Variants in KLHL13 observed in about 807,000 individuals in gnomAD.
The protein encoded by KLHL13 is kelch-like protein 13.
In KLHL13, 10 loss-of-function variants were observed where a neutral mutation model predicts 37.1. The observed-to-expected ratio is 0.27, with a 90% confidence interval of 0.17 to 0.46. KLHL13 has a LOEUF of 0.46. Ranked by LOEUF, KLHL13 falls within the 20% of genes least tolerant of loss-of-function variation. The pLI is 1.00. For missense variants in KLHL13, 360 were observed against 509.3 expected (o/e 0.71, Z 2.82); for synonymous variants, 163 against 181.2 (o/e 0.90, Z 0.81).
intron 1 of KLHL13, among the ~76,000 whole-genome samples, chrX:118,015,307 T>C (rs912385054): frequency 2.7e-5 from 3 of 111,897 alleles, no homozygotes; most frequent in African/African-American, 9.7e-5. Flanking sequence ...GGCTATCTTA[T>C]GTGATTATTT....
intron 1 of KLHL13, among the ~76,000 whole-genome samples, chrX:118,060,652 T>C (rs2054731559): frequency 9.0e-6 from 1 of 111,249 alleles, no homozygotes; most frequent in Admixed American, 9.6e-5. Context: ...TTTATTAATA[T>C]GCTCAAGGTC....
At chrX:118,043,699 A>G (rs1235062556) in intron 1 of KLHL13, among the ~76,000 whole-genome samples, 3 of 112,036 alleles carry the variant, frequency 2.7e-5, no homozygotes, top group Non-Finnish European at 5.6e-5. Flanking sequence ...GCTTCATGAT[A>G]AAAAGAAAAC....
chrX:118,008,678 C>T (rs1414249034), intron 1 of KLHL13, among the ~76,000 whole-genome samples: 1 of 111,361 alleles, frequency 9.0e-6, no homozygotes, highest in Non-Finnish European at 1.9e-5. Flanking sequence ...AGGCAAAACC[C>T]TTGTCCTCAG....
chrX:118,026,020 T>C (rs1468035466), intron 1 of KLHL13, among the ~76,000 whole-genome samples: 2 of 111,848 alleles, frequency 1.8e-5, no homozygotes, highest in African/African-American at 6.5e-5. Flanking sequence ...TTGAAATGTA[T>C]CCTGCATGGA....
Position 118,093,359 on chromosome X carries a change from C to T in KLHL13, c.-56+23149G>A, listed in dbSNP as rs190084272. Among the ~76,000 whole-genome samples the T allele has an allele frequency of 7.4e-4, 83 of 111,713 alleles. 1 individual carries two copies. The highest frequency in any genetic ancestry group is 4.9e-4 in the Non-Finnish European group (26 of 53,103). The stretch of plus-strand genomic sequence containing the variant: ...TCACATACACTACTTTATCTAATTT[C>T]TATAAAATCTCTTGTTCCTCCATTA... On this transcript the variant is annotated intron_variant, in intron 1 of 6. Coordinates refer to the KLHL13 transcript ENST00000371882.
chrX:118,020,713 C>T (rs1239514262), intron 1 of KLHL13, among the ~76,000 whole-genome samples: 3 of 110,038 alleles, frequency 2.7e-5, no homozygotes, highest in African/African-American at 6.6e-5. Flanking sequence ...TGCGGCACTA[C>T]TCACAATAGC....
chrX:118,088,533 A>G, intron 1 of KLHL13, among the ~76,000 whole-genome samples: 1 of 111,896 alleles, frequency 8.9e-6, no homozygotes, highest in East Asian at 2.8e-4. Flanking sequence ...CATGTTTCTT[A>G]GATTCAGCAT....
At chrX:117,974,079 C>T (rs1003225082), upstream of KLHL13, among the ~76,000 whole-genome samples, 1 of 111,243 alleles carries the variant, frequency 9.0e-6, no homozygotes, top group African/African-American at 3.3e-5. Context: ...CAGAAAATAG[C>T]GTTGTAAATG....
At chrX:118,002,896 T>C (rs759217133) in intron 1 of KLHL13, among the ~76,000 whole-genome samples, 2 of 112,611 alleles carry the variant, frequency 1.8e-5, no homozygotes, top group South Asian at 7.2e-4. Flanking sequence ...ACTCTTTTTC[T>C]TCCTCATTGT....
At chrX:117,938,594 A>T (rs760216862) in intron 2 of KLHL13, among the ~76,000 whole-genome samples, 4 of 111,693 alleles carry the variant, frequency 3.6e-5, no homozygotes, top group East Asian at 5.6e-4. Context: ...CTCTCACTGC[A>T]CTACAGTGGC....
chrX:117,918,456 T>A (rs1329583222), intron 4 of KLHL13, among the ~76,000 whole-genome samples: 1 of 111,723 alleles, frequency 9.0e-6, no homozygotes, highest in Admixed American at 9.5e-5. Flanking sequence ...AAGATTCATA[T>A]GAGTTAAAAA....
intron 5 of KLHL13, among the ~76,000 whole-genome samples, chrX:117,904,859 C>G (rs752973639): frequency 2.8e-3 from 307 of 111,561 alleles, no homozygotes; most frequent in Non-Finnish European, 4.9e-3. Flanking sequence ...GAATTAACTT[C>G]AGTAGTTTGG....
At chrX:117,967,315 C>A (rs2053452421) in intron 1 of KLHL13, among the ~76,000 whole-genome samples, 1 of 111,791 alleles carries the variant, frequency 8.9e-6, no homozygotes, top group African/African-American at 3.2e-5. Context: ...CCATGTCAAT[C>A]TAAAATTTTA....
At chrX:118,000,102 A>C (rs1265730148) in intron 1 of KLHL13, among the ~76,000 whole-genome samples, 1 of 112,078 alleles carries the variant, frequency 8.9e-6, no homozygotes, top group Non-Finnish European at 1.9e-5. Flanking sequence ...TAGAAACCTA[A>C]GCTACAAATG....
chrX:118,088,029 C>T (rs944716899), intron 1 of KLHL13, among the ~76,000 whole-genome samples: 1 of 111,925 alleles, frequency 8.9e-6, no homozygotes, highest in South Asian at 3.7e-4. Flanking sequence ...GGATCTTCTT[C>T]CCCTTTATCA....
At chrX:117,996,859 T>C (rs983646746) in intron 1 of KLHL13, among the ~76,000 whole-genome samples, 2 of 108,692 alleles carry the variant, frequency 1.8e-5, no homozygotes, top group African/African-American at 6.7e-5. Context: ...ACATGTGCTA[T>C]GCTCACATAT....
intron 1 of KLHL13, among the ~76,000 whole-genome samples, chrX:118,007,392 A>AAAAAGAGAG (rs1555984408): frequency 9.6e-5 from 10 of 103,973 alleles, no homozygotes; most frequent in African/African-American, 3.4e-4. Flanking sequence ...AAAAAAAAAA[A>AAAAAGAGAG]AGAGAGAGAG....
chrX:117,976,180 A>AT (rs1157109190), upstream of KLHL13, among the ~76,000 whole-genome samples: 1 of 111,857 alleles, frequency 8.9e-6, no homozygotes, highest in African/African-American at 3.2e-5. Flanking sequence ...CCCTAAAAGC[A>AT]TTATATCTGA....
intron 2 of KLHL13, among the ~76,000 whole-genome samples, chrX:117,933,753 G>A (rs1267776189): frequency 9.0e-6 from 1 of 111,075 alleles, no homozygotes; most frequent in Admixed American, 9.6e-5. Flanking sequence ...TTATTAAGCA[G>A]CATCATGTAC....
Sources: allele counts gnomAD v4.1 joint callset (sites outside exome capture counted in the v4.1 genomes callset), GRCh38; gene constraint gnomAD v4.1.1; transcripts MANE v1.5; gene names NCBI Gene and HGNC (gene_info 2026-07-23, HGNC 2026-07-21).